EXOC4: variants seen among roughly 807,000 people sequenced by gnomAD.
The protein encoded by EXOC4 is SEC8-like 1.
EXOC4 carries 71 observed loss-of-function variants against 107.2 expected under a neutral mutation model. The observed-to-expected ratio is 0.66, with a 90% confidence interval of 0.55 to 0.81. The LOEUF is 0.81. EXOC4 is among the 30% of genes least tolerant of loss of function. The pLI, the probability that EXOC4 is intolerant of heterozygous loss-of-function variation, is 0.00. For missense variants in EXOC4, 1,108 were observed against 1,189.6 expected, an observed-to-expected ratio of 0.93 and a Z score of 1.01; for synonymous variants, 456 against 441.2, an observed-to-expected ratio of 1.03 and a Z score of -0.42.
At chr7:133,274,071 C>T (rs879408623) in intron 1 of EXOC4, among the ~76,000 whole-genome samples, 17 of 152,146 alleles carry the variant, frequency 1.1e-4, no homozygotes, top group East Asian at 3.8e-4. Flanking sequence ...ATGTATCAAA[C>T]GAAGTTATTG....
intron 7 of EXOC4, among the ~76,000 whole-genome samples, chr7:133,457,543 C>T (rs572138036): frequency 2.6e-5 from 4 of 152,156 alleles, no homozygotes; most frequent in South Asian, 2.1e-4. Flanking sequence ...AATTAGGTTG[C>T]GTATCAAAAT....
intron 9 of EXOC4, among the ~76,000 whole-genome samples, chr7:133,491,597 G>T (rs749272082): frequency 5.9e-5 from 9 of 152,188 alleles, no homozygotes; most frequent in Non-Finnish European, 8.8e-5. Flanking sequence ...CACACTGGAG[G>T]TTATGGTGTA....
chr7:133,403,051 A>AT (rs1797128133), intron 7 of EXOC4, among the ~76,000 whole-genome samples: 1 of 151,006 alleles, frequency 6.6e-6, no homozygotes, highest in Non-Finnish European at 1.5e-5. Flanking sequence ...TGCCCAGCTA[A>AT]TTTTTTTATT....
chr7:133,584,299 A>AC (rs1420851135), intron 9 of EXOC4, among the ~76,000 whole-genome samples: 1 of 151,958 alleles, frequency 6.6e-6, no homozygotes. Context: ...AATCTTGGGG[A>AC]CCCCTGCAGG....
chr7:134,040,301 GTTCT>G (rs1795485399), intron 17 of EXOC4, among the ~76,000 whole-genome samples: 1 of 152,188 alleles, frequency 6.6e-6, no homozygotes, highest in South Asian at 2.1e-4. Context: ...CCTGATAACT[GTTCT>G]TTCTTAATTG....
chr7:133,438,689 G>A (rs951525472), intron 7 of EXOC4, among the ~76,000 whole-genome samples: 2 of 152,172 alleles, frequency 1.3e-5, no homozygotes, highest in African/African-American at 4.8e-5. Flanking sequence ...ACTACCACCT[G>A]CTAACTGCCA....
intron 11 of EXOC4, among the ~76,000 whole-genome samples, chr7:133,855,296 T>C (rs1203470988): frequency 1.3e-5 from 2 of 150,970 alleles, no homozygotes; most frequent in African/African-American, 4.9e-5. Context: ...AATAATCTAC[T>C]AATCTAAACC....
intron 10 of EXOC4, among the ~76,000 whole-genome samples, chr7:133,702,517 T>G (rs990395802): frequency 1.9e-4 from 29 of 150,984 alleles, no homozygotes; most frequent in African/African-American, 7.1e-4. Flanking sequence ...TTTTTTTTTT[T>G]GAATTGCTAT....
chr7:133,843,909 A>G (rs2116201245), intron 11 of EXOC4, among the ~76,000 whole-genome samples: 1 of 152,292 alleles, frequency 6.6e-6, no homozygotes, highest in Middle Eastern at 3.4e-3. Context: ...TTCTGCATCC[A>G]TTGAGCTAAT....
chr7:133,461,720 C>T (rs1054522084), intron 7 of EXOC4, among the ~76,000 whole-genome samples: 3 of 152,160 alleles, frequency 2.0e-5, no homozygotes, highest in Non-Finnish European at 4.4e-5. Flanking sequence ...TGAAGTTTCA[C>T]CATGGGTGTT....
chr7:133,536,658 G>A (rs1417618917), intron 9 of EXOC4, among the ~76,000 whole-genome samples: 3 of 151,692 alleles, frequency 2.0e-5, no homozygotes, highest in Non-Finnish European at 4.4e-5. Context: ...CAGAGACTCA[G>A]CATAATAGTG....
At chr7:133,759,144 ATTT>A (rs34768347) in intron 10 of EXOC4, among the ~76,000 whole-genome samples, 1 of 140,626 alleles carries the variant, frequency 7.1e-6, no homozygotes, top group Admixed American at 7.1e-5. Context: ...CAACAAAAGA[ATTT>A]TTTTTTTTTT....
At chr7:133,520,963 T>G (rs1488531574) in intron 9 of EXOC4, among the ~76,000 whole-genome samples, 1 of 152,122 alleles carries the variant, frequency 6.6e-6, no homozygotes, top group Non-Finnish European at 1.5e-5. Context: ...ATGATTACTG[T>G]TGGTGATGAT....
chr7:133,608,546 CTTTTTTT>C (rs1161155238), intron 9 of EXOC4, among the ~76,000 whole-genome samples: 74 of 85,020 alleles, frequency 8.7e-4, no homozygotes, highest in African/African-American at 1.4e-3. Flanking sequence ...TGCTGTATTT[CTTTTTTT>C]TTTTTTTTTT....
At chr7:133,622,677 G>A (rs1007546058) in intron 9 of EXOC4, among the ~76,000 whole-genome samples, 3 of 151,976 alleles carry the variant, frequency 2.0e-5, no homozygotes, top group Non-Finnish European at 4.4e-5. Flanking sequence ...TTATAGTGAG[G>A]CTTTTTGTGT....
intron 10 of EXOC4, among the ~76,000 whole-genome samples, chr7:133,771,640 G>GT (rs1282630481): frequency 1.3e-5 from 2 of 152,000 alleles, no homozygotes; most frequent in Non-Finnish European, 2.9e-5. Flanking sequence ...TTTCATGGTT[G>GT]TTTAGGAATA....
chr7:133,321,169 T>C (rs1021723459), intron 5 of EXOC4, among the ~76,000 whole-genome samples: 4 of 149,914 alleles, frequency 2.7e-5, no homozygotes, highest in Admixed American at 2.6e-4. Context: ...AGATTGGAGG[T>C]GATTCCTGAG....
chr7:134,074,880 C>T, the EXOC4 span, among the ~76,000 whole-genome samples: 1 of 152,292 alleles, frequency 6.6e-6, no homozygotes, highest in Non-Finnish European at 1.5e-5. Flanking sequence ...TGTAGACTAT[C>T]GTTAGTCAAA....
In EXOC4 at chr7:133,817,545, G is replaced by GT; in HGVS notation, c.1734+2dup. The GT allele has an allele frequency of 6.2e-7, 1 of 1,605,912 alleles. No individual in the cohort carries two copies. Among genetic ancestry groups the GT allele is most frequent in the Non-Finnish European group, 8.5e-7 (1 of 1,172,828 alleles). On this transcript the variant is annotated splice_donor_variant, in intron 11 of 17. Transcript: ENST00000253861. LOFTEE classifies it high-confidence loss of function. ...GGGAGTGCAGCGGCCTCTCCTACAGGTAATAATACACTTTGAACTTACTAT... is the reference window on the plus strand; with the variant it reads ...GGGAGTGCAGCGGCCTCTCCTACAGGTTAATAATACACTTTGAACTTACTAT...
Sources: gnomAD v4.1 joint callset for allele counts (sites outside exome capture counted in the v4.1 genomes callset) on GRCh38, gnomAD v4.1.1 for gene constraint, MANE v1.5 for transcripts, NCBI Gene and HGNC (gene_info 2026-07-23, HGNC 2026-07-21) for gene names.